TMED3: variants seen among roughly 807,000 people sequenced by gnomAD.
TMED3 encodes the protein transmembrane p24 trafficking protein 3.
A neutral mutation model predicts 15.0 loss-of-function variants in TMED3; 9 were observed. The observed-to-expected ratio is 0.60, with a 90% CI of 0.36 to 1.04. TMED3 has a LOEUF of 1.04. Ranked by LOEUF, TMED3 falls within the 50% of genes least tolerant of loss-of-function variation. The pLI is 0.01. For missense variants in TMED3, 267 were observed against 278.9 expected (o/e 0.96, Z 0.30); for synonymous variants, 117 against 121.4 (o/e 0.96, Z 0.24).
chr15:79,325,675 G>A (rs962687832), downstream of TMED3, among the ~76,000 whole-genome samples: 1 of 152,154 alleles, frequency 6.6e-6, no homozygotes, highest in East Asian at 1.9e-4. Context: ...CTCAGTCCGA[G>A]TCCAAAAACC....
rs947749333 is a variant in TMED3, at chr15:79,364,968, C to T, written c.418-46432C>T. 2.0e-5 allele frequency among the ~76,000 whole-genome samples: 3 copies of T among 152,360 alleles called. No homozygotes were observed. The East Asian group carries it at 5.8e-4, about 29-fold the overall frequency. On this transcript the variant is annotated intron_variant, in intron 2 of 2. Coordinates refer to the TMED3 transcript ENST00000424155. ...GCAAAAAGGCAGAGGGTCCATTGAA[C>T]TGATTAACACTTAAGCTGTCTGCGG...
chr15:79,347,923 C>T (rs889984594), intron 2 of TMED3, among the ~76,000 whole-genome samples: 8 of 151,936 alleles, frequency 5.3e-5, no homozygotes, highest in Non-Finnish European at 4.4e-5. Context: ...CCCAAAAAAG[C>T]ATATCATTTT....
At chr15:79,327,821 A>G (rs1211531369), downstream of TMED3, among the ~76,000 whole-genome samples, 1 of 152,216 alleles carries the variant, frequency 6.6e-6, no homozygotes, top group Non-Finnish European at 1.5e-5. Context: ...GTTATGTGCT[A>G]TAGTCATTTG....
chr15:79,399,435 C>T lies in TMED3; in HGVS notation c.418-11965C>T, dbSNP rs570848538. On this transcript the variant is annotated intron_variant, in intron 2 of 2. Coordinates refer to the TMED3 transcript ENST00000424155. Reference sequence around the variant, plus strand: ...ATCATTGTTTGTGTGAGTCCAAAAACGCAAAAAAGAGGAAAGAAAGGAGAA... The same window carrying T: ...ATCATTGTTTGTGTGAGTCCAAAAATGCAAAAAAGAGGAAAGAAAGGAGAA... Among the ~76,000 whole-genome samples the T allele has an allele frequency of 2.0e-4, 31 of 151,716 alleles. 1 individual carries two copies. Among genetic ancestry groups the T allele is most frequent in the Non-Finnish European group, 3.7e-4 (25 of 67,956 alleles).
intron 2 of TMED3, among the ~76,000 whole-genome samples, chr15:79,400,285 G>A (rs1029203117): frequency 3.9e-5 from 6 of 152,132 alleles, no homozygotes; most frequent in African/African-American, 1.4e-4. Flanking sequence ...AGTCACTTCT[G>A]TTATTCTTTG....
intron 2 of TMED3, among the ~76,000 whole-genome samples, chr15:79,338,959 C>T (rs772436669): frequency 6.6e-6 from 1 of 152,162 alleles, no homozygotes; most frequent in Non-Finnish European, 1.5e-5. Flanking sequence ...TCCTCCACCT[C>T]TTGTAGAGGG....
intron 2 of TMED3, among the ~76,000 whole-genome samples, chr15:79,339,777 G>A (rs967269563): frequency 2.0e-5 from 3 of 151,942 alleles, no homozygotes; most frequent in Non-Finnish European, 2.9e-5. Flanking sequence ...TGGTGTTGAT[G>A]GTGGTGATGG....
downstream of TMED3, among the ~76,000 whole-genome samples, chr15:79,324,110 C>T (rs2058778666): frequency 6.6e-6 from 1 of 152,174 alleles, no homozygotes; most frequent in Non-Finnish European, 1.5e-5. Context: ...CCTGCTTCAG[C>T]CTCCCAAGTA....
At chr15:79,395,833 G>A (rs776781641) in intron 2 of TMED3, among the ~76,000 whole-genome samples, 1 of 152,052 alleles carries the variant, frequency 6.6e-6, no homozygotes, top group Non-Finnish European at 1.5e-5. Flanking sequence ...CATTTTAAAC[G>A]TTCTTATTTT....
At chr15:79,346,203 G>C (rs556495545) in intron 2 of TMED3, among the ~76,000 whole-genome samples, 10 of 152,274 alleles carry the variant, frequency 6.6e-5, no homozygotes, top group African/African-American at 2.4e-4. Flanking sequence ...TGCTTTTGGT[G>C]TCTTTGTCAT....
At chr15:79,365,366 A>T (rs1294484832) in intron 2 of TMED3, among the ~76,000 whole-genome samples, 1 of 152,226 alleles carries the variant, frequency 6.6e-6, no homozygotes, top group Non-Finnish European at 1.5e-5. Flanking sequence ...CAGGCCCCTC[A>T]GGAAGAAATT....
chr15:79,350,038 A>G (rs2058885980), intron 2 of TMED3, among the ~76,000 whole-genome samples: 1 of 152,124 alleles, frequency 6.6e-6, no homozygotes. Flanking sequence ...CTGCATCAGG[A>G]TAAGTAGCTT....
At chr15:79,396,592 G>A (rs1371424703) in intron 2 of TMED3, among the ~76,000 whole-genome samples, 1 of 152,200 alleles carries the variant, frequency 6.6e-6, no homozygotes, top group Admixed American at 6.5e-5. Flanking sequence ...TGTTCCTAAT[G>A]CAAGGTGGAC....
rs563712491 is a variant in TMED3, at chr15:79,382,948, C to T, written c.418-28452C>T. 127 of 1,535,136 alleles carry T rather than the reference C, an allele frequency of 8.3e-5. 1 individual carries two copies. In the East Asian group the frequency reaches 1.2e-3, roughly 15 times the overall value. ...AAAGTCAATTACAAGGGCATAAACA[C>T]GATTTATTTCTTTTCCAAGGGTCCC... On this transcript the variant is annotated intron_variant, in intron 2 of 2. Coordinates refer to the TMED3 transcript ENST00000424155.
At chr15:79,367,509 C>T (rs116551772) in intron 2 of TMED3, among the ~76,000 whole-genome samples, 1,552 of 152,318 alleles carry the variant, frequency 0.01, 31 homozygotes, top group African/African-American at 0.035. Context: ...CAAGTCCTAT[C>T]ATAGGTCTTT....
chr15:79,411,700 G>A lies in TMED3; in HGVS notation c.*196G>A, dbSNP rs146816875. 7.8e-4 allele frequency: 421 copies of A among 539,444 alleles called. 3 individuals carry two copies. In the East Asian group the frequency reaches 9.5e-3, roughly 12 times the overall value. The allele number at this position is 539,444 out of a possible 1,614,324, so 33.4% of individuals were successfully genotyped here. On this transcript the variant is annotated 3_prime_UTR_variant, in exon 3 of 3. Transcript: ENST00000424155. ...CCACAGGCCTCTGGAATCCCGGCAG[G>A]AGGAGACTCCTTGACCACCACAGAC...
intron 2 of TMED3, among the ~76,000 whole-genome samples, chr15:79,399,248 G>A (rs897085329): frequency 5.3e-5 from 8 of 151,974 alleles, no homozygotes; most frequent in African/African-American, 1.2e-4. Context: ...TCACAGAAAC[G>A]CCCAAAATAA....
At chr15:79,387,770 A>C (rs1291753761) in intron 2 of TMED3, among the ~76,000 whole-genome samples, 1 of 152,164 alleles carries the variant, frequency 6.6e-6, no homozygotes, top group African/African-American at 2.4e-5. Context: ...AGTTTCTCTC[A>C]ATAAAGTTTT....
intron 2 of TMED3, among the ~76,000 whole-genome samples, chr15:79,399,035 C>T (rs561739348): frequency 2.0e-5 from 3 of 152,270 alleles, no homozygotes; most frequent in East Asian, 1.9e-4. Flanking sequence ...CTCAGCCTCC[C>T]GAGTAGCTGG....
Sources: allele counts gnomAD v4.1 joint callset (sites outside exome capture counted in the v4.1 genomes callset), GRCh38; gene constraint gnomAD v4.1.1; transcripts MANE v1.5; gene names NCBI Gene and HGNC (gene_info 2026-07-23, HGNC 2026-07-21).